Variants in CPB2 observed in about 807,000 individuals in gnomAD.
CPB2 encodes carboxypeptidase B-like protein.
Under a neutral mutation model 57.0 loss-of-function variants are expected in CPB2, and 54 were observed. The observed-to-expected ratio is 0.95, with a 90% CI of 0.76 to 1.19. The LOEUF (loss-of-function observed/expected upper bound fraction) is 1.19. CPB2 is among the 50% of genes most tolerant of loss of function. CPB2 has a pLI of 0.00. For missense variants in CPB2, 426 were observed against 512.0 expected (o/e 0.83, Z 1.62); for synonymous variants, 189 against 178.1 (o/e 1.06, Z -0.49).
chr13:46,086,501 A>G (rs1031491125), intron 2 of CPB2, among the ~76,000 whole-genome samples: 3 of 152,070 alleles, frequency 2.0e-5, no homozygotes, highest in African/African-American at 4.8e-5. Context: ...GGTCCTCCCC[A>G]TGTCTCTCCA....
At chr13:46,090,876 C>T (rs2139410663) in intron 1 of CPB2, among the ~76,000 whole-genome samples, 1 of 151,750 alleles carries the variant, frequency 6.6e-6, no homozygotes, top group Admixed American at 6.6e-5. Context: ...AGGTGCACAC[C>T]AACACACCTG....
chr13:46,081,038 T>C (rs2045108043), intron 4 of CPB2, among the ~76,000 whole-genome samples: 1 of 148,492 alleles, frequency 6.7e-6, no homozygotes, highest in African/African-American at 2.5e-5. Context: ...GGCAACTACC[T>C]ACAAGCTGAG....
intron 1 of CPB2, among the ~76,000 whole-genome samples, chr13:46,092,404 C>T (rs1354190028): frequency 6.6e-6 from 1 of 152,090 alleles, no homozygotes; most frequent in Non-Finnish European, 1.5e-5. Context: ...ACTAATACAT[C>T]ATGATAATAT....
chr13:46,060,043 G>A (rs558443675), intron 8 of CPB2, among the ~76,000 whole-genome samples: 3 of 152,248 alleles, frequency 2.0e-5, no homozygotes, highest in Admixed American at 6.5e-5. Context: ...TATGGAGGTC[G>A]GGGAAGACAT....
At chr13:46,079,372 G>A (rs778596877) in intron 4 of CPB2, among the ~76,000 whole-genome samples, 17 of 152,086 alleles carry the variant, frequency 1.1e-4, no homozygotes, top group Non-Finnish European at 2.4e-4. Flanking sequence ...TGCAAGAACA[G>A]TGAGATTGGC....
intron 6 of CPB2, among the ~76,000 whole-genome samples, chr13:46,071,523 G>A (rs1364894876): frequency 6.6e-6 from 1 of 152,184 alleles, no homozygotes; most frequent in Non-Finnish European, 1.5e-5. Flanking sequence ...AAGATACATT[G>A]TTAGGTGACT....
chr13:46,098,595 C>G (rs2045395930), intron 1 of CPB2: 1 of 152,304 alleles, frequency 6.6e-6, no homozygotes, highest in Non-Finnish European at 1.5e-5. Flanking sequence ...CTGATATTCT[C>G]ACCTGAGTCC....
chr13:46,053,857 G>C (rs1341017000), intron 10 of CPB2, 59 bp from the exon 11 acceptor site: 1 of 1,504,102 alleles, frequency 6.6e-7, no homozygotes, highest in Non-Finnish European at 9.1e-7. Flanking sequence ...TTTACAAACT[G>C]GGAATTGTTT....
intron 1 of CPB2, among the ~76,000 whole-genome samples, chr13:46,104,419 T>C (rs906336093): frequency 8.5e-5 from 13 of 152,242 alleles, no homozygotes; most frequent in African/African-American, 3.1e-4. Context: ...GGGAATCTAC[T>C]AAGCAAAATA....
chr13:46,066,630 G>A (rs191642655), intron 7 of CPB2, among the ~76,000 whole-genome samples: 2 of 152,084 alleles, frequency 1.3e-5, no homozygotes, highest in East Asian at 3.8e-4. Flanking sequence ...GCATCACAAG[G>A]GCAGGAGTTT....
intron 8 of CPB2, among the ~76,000 whole-genome samples, chr13:46,062,634 G>A (rs2044791907): frequency 6.6e-6 from 1 of 151,994 alleles, no homozygotes; most frequent in Admixed American, 6.5e-5. Flanking sequence ...TACCATATCT[G>A]TAGCTCTCAG....
intron 6 of CPB2, among the ~76,000 whole-genome samples, chr13:46,072,690 A>T (rs1299620678): frequency 6.6e-6 from 1 of 152,202 alleles, no homozygotes; most frequent in Non-Finnish European, 1.5e-5. Flanking sequence ...AAGGGCAGTC[A>T]TTAGGGACAA....
chr13:46,075,377 C>T (rs1009423976), intron 5 of CPB2, among the ~76,000 whole-genome samples: 2 of 152,200 alleles, frequency 1.3e-5, no homozygotes, highest in Non-Finnish European at 2.9e-5. Flanking sequence ...GGTTCTGACA[C>T]CGAAAAGTTG....
At chr13:46,056,692 C>T (rs143509321) in intron 9 of CPB2, among the ~76,000 whole-genome samples, 6 of 152,280 alleles carry the variant, frequency 3.9e-5, no homozygotes, top group African/African-American at 7.2e-5. Flanking sequence ...CTTTTGCATC[C>T]TCTTATGGTG....
chr13:46,089,336 C>T (rs917231536), intron 1 of CPB2, among the ~76,000 whole-genome samples: 25 of 152,166 alleles, frequency 1.6e-4, no homozygotes, highest in African/African-American at 5.8e-4. Context: ...CCCAGCCTTC[C>T]GTGTGGTTGT....
At chr13:46,084,901 A>G (rs1007920948) in intron 2 of CPB2, among the ~76,000 whole-genome samples, 1 of 150,634 alleles carries the variant, frequency 6.6e-6, no homozygotes, top group Non-Finnish European at 1.5e-5. Flanking sequence ...CCCAGGCTGG[A>G]GTGCAGTGGC....
intron 3 of CPB2, among the ~76,000 whole-genome samples, chr13:46,082,807 T>C (rs887305314): frequency 6.6e-6 from 1 of 152,202 alleles, no homozygotes; most frequent in Non-Finnish European, 1.5e-5. Flanking sequence ...AAAACCACCG[T>C]TTCCCACCAT....
Position 46,080,477 on chromosome 13 carries a change from C to T in CPB2, c.385-1576G>A, listed in dbSNP as rs554137496. On this transcript the variant is annotated intron_variant, in intron 4 of 10. Coordinates refer to ENST00000181383, the MANE Select transcript of CPB2 (RefSeq NM_001872.5). ...ATAGTTAAGGAGTAGATGTTGTACC[C>T]CTTTCTCCAATTCATATGTTCAATC... Among the ~76,000 whole-genome samples the T allele has an allele frequency of 1.1e-4, 17 of 152,276 alleles. No individual in the cohort carries two copies. In the South Asian group the frequency reaches 3.5e-3, roughly 32 times the overall value.
chr13:46,104,025 A>G (rs1222038471), intron 1 of CPB2, among the ~76,000 whole-genome samples: 1 of 152,242 alleles, frequency 6.6e-6, no homozygotes, highest in Non-Finnish European at 1.5e-5. Flanking sequence ...GTGATCATGT[A>G]CAAACACAGC....
Sources: gnomAD v4.1 joint callset for allele counts (sites outside exome capture counted in the v4.1 genomes callset) on GRCh38, gnomAD v4.1.1 for gene constraint, MANE v1.5 for transcripts, NCBI Gene and HGNC (gene_info 2026-07-23, HGNC 2026-07-21) for gene names.